The following BCAS3 variants were observed in gnomAD, a reference collection of about 807,000 sequenced individuals.
BCAS3 encodes BCAS3 microtubule associated cell migration factor, also known as BCAS4/BCAS3 fusion.
In BCAS3, 53 loss-of-function variants were observed where a neutral mutation model predicts 116.1. The observed-to-expected ratio is 0.46, with a 90% confidence interval of 0.37 to 0.57. BCAS3 has a LOEUF of 0.57. BCAS3 is among the 20% of genes least tolerant of loss of function. The probability of loss-of-function intolerance (pLI) is 0.00; values close to 1 mark genes in which losing one functional copy is unlikely to be tolerated. For missense variants in BCAS3, 917 were observed against 1,165.4 expected (o/e 0.79, Z 3.10); for synonymous variants, 391 against 408.2 (o/e 0.96, Z 0.51).
chr17:61,194,288 A>G (rs2080338720), intron 22 of BCAS3, among the ~76,000 whole-genome samples: 1 of 152,194 alleles, frequency 6.6e-6, no homozygotes. Flanking sequence ...GAAAGAAAAC[A>G]TGGCCTTGTA....
rs774082729 is a variant in BCAS3 at position 61,392,173 on chromosome 17, G to A, written c.*48G>A. Reference sequence around the variant, plus strand: ...TGGCCAGCCCCCTCCCCTGCTGGAGGAGGGGAGAAGCCCCGCTCTGGTCCT... The same window carrying A: ...TGGCCAGCCCCCTCCCCTGCTGGAGAAGGGGAGAAGCCCCGCTCTGGTCCT... On this transcript the variant is annotated 3_prime_UTR_variant, in exon 24 of 24. Transcript: ENST00000407086. The surrounding 1 kb of genome is among the most constrained non-coding windows in gnomAD (Gnocchi z 6.4). The A allele has an allele frequency of 1.9e-5, 31 of 1,591,366 alleles. No individual in the cohort carries two copies. Among genetic ancestry groups the A allele is most frequent in the East Asian group, 4.5e-5 (2 of 44,642 alleles).
chr17:60,867,509 C>A (rs1354450093), intron 7 of BCAS3, among the ~76,000 whole-genome samples: 1 of 152,050 alleles, frequency 6.6e-6, no homozygotes, highest in Non-Finnish European at 1.5e-5. Flanking sequence ...TATTTAATGT[C>A]ATTTTATATG....
At chr17:60,854,949 GTTTTTTTTT>G (rs1267985905) in intron 7 of BCAS3, among the ~76,000 whole-genome samples, 1 of 121,932 alleles carries the variant, frequency 8.2e-6, no homozygotes, top group East Asian at 2.4e-4. Flanking sequence ...TTTCAGTGAG[GTTTTTTTTT>G]TTTTTTTTTT....
At chr17:60,940,036 AG>A (rs1220592258) in intron 13 of BCAS3, among the ~76,000 whole-genome samples, 1 of 152,214 alleles carries the variant, frequency 6.6e-6, no homozygotes, top group East Asian at 1.9e-4. Context: ...CAATTCAAAG[AG>A]AAAGAAAATA....
At chr17:61,119,896 C>A (rs1045772947) in intron 22 of BCAS3, among the ~76,000 whole-genome samples, 28 of 151,710 alleles carry the variant, frequency 1.8e-4, no homozygotes, top group Non-Finnish European at 3.7e-4. Context: ...CCTGATAGTA[C>A]CAGAAAATAT....
At chr17:61,153,684 G>A (rs113135004) in intron 22 of BCAS3, among the ~76,000 whole-genome samples, 20 of 152,226 alleles carry the variant, frequency 1.3e-4, no homozygotes, top group African/African-American at 4.3e-4. Flanking sequence ...CTCTACCATT[G>A]TATGCCGTTA....
chr17:61,357,884 T>G (rs527504974), intron 22 of BCAS3, among the ~76,000 whole-genome samples: 1 of 150,878 alleles, frequency 6.6e-6, no homozygotes, highest in East Asian at 2.0e-4. Context: ...AGGTCAAGAG[T>G]TCCAGACCCG....
chr17:61,253,873 C>T (rs759859343), intron 22 of BCAS3, among the ~76,000 whole-genome samples: 24 of 152,068 alleles, frequency 1.6e-4, no homozygotes, highest in Middle Eastern at 3.4e-3. Flanking sequence ...AAAACTGAAG[C>T]GCAGAAAGAA....
At chr17:60,925,570 A>G (rs147753563) in intron 13 of BCAS3, among the ~76,000 whole-genome samples, 97 of 152,328 alleles carry the variant, frequency 6.4e-4, no homozygotes, top group African/African-American at 2.2e-3. Flanking sequence ...TGAAGGTTGT[A>G]GAATGGTGGG....
At chr17:61,206,379 A>G (rs1407656110) in intron 22 of BCAS3, among the ~76,000 whole-genome samples, 2 of 152,208 alleles carry the variant, frequency 1.3e-5, no homozygotes, top group African/African-American at 4.8e-5. Context: ...CTTTCTTTAT[A>G]TTTTAAAATC....
Position 60,889,353 on chromosome 17 carries a change from C to A in BCAS3, c.662-342C>A, listed in dbSNP as rs762278966. Among the ~76,000 whole-genome samples the A allele has an allele frequency of 6.6e-5, 10 of 152,138 alleles. 1 individual carries two copies. Among genetic ancestry groups the A allele is most frequent in the South Asian group, 2.1e-4 (1 of 4,830 alleles). On this transcript the variant is annotated intron_variant, in intron 9 of 23. Transcript: ENST00000407086. The stretch of plus-strand genomic sequence containing the variant: ...CATTTCTCTCTCCTCTCCCAAAATT[C>A]TTCCTTGATTTATGAATGTTAGACT...
intron 9 of BCAS3, among the ~76,000 whole-genome samples, chr17:60,881,309 C>T (rs1406118780): frequency 6.6e-6 from 1 of 152,128 alleles, no homozygotes. Flanking sequence ...TCTTTTAAAG[C>T]ATGTTAAATT....
At chr17:61,064,762 T>A (rs188062185) in intron 19 of BCAS3, among the ~76,000 whole-genome samples, 17 of 152,336 alleles carry the variant, frequency 1.1e-4, no homozygotes, top group Non-Finnish European at 1.5e-4. Flanking sequence ...CAATACTGAC[T>A]GTTAGAAAAC....
chr17:61,075,993 A>C lies in BCAS3; in HGVS notation c.2130+973A>C, dbSNP rs189836789. On this transcript the variant is annotated intron_variant, in intron 20 of 23. Transcript: ENST00000407086. ...AGGCTGGTCTTGAACTCCTGGGCTC[A>C]AGCAATCCTCCTGTGTTGGCCTCCC... Among the ~76,000 whole-genome samples the C allele has an allele frequency of 1.5e-3, 227 of 152,120 alleles. 5 individuals are homozygous for C. Among genetic ancestry groups the C allele is most frequent in the Admixed American group, 0.015 (227 of 15,272 alleles).
chr17:61,137,068 GTT>G (rs2076681657), intron 22 of BCAS3, among the ~76,000 whole-genome samples: 1 of 152,114 alleles, frequency 6.6e-6, no homozygotes, highest in African/African-American at 2.4e-5. Flanking sequence ...TTATGAGGTG[GTT>G]TCCATTTGTT....
rs1282278140 is a variant in BCAS3, at chr17:61,136,392, G to GT, written c.2425+51829dup. On this transcript the variant is annotated intron_variant, in intron 22 of 23. Transcript: ENST00000407086. This position sits in a 1 kb window ranked among gnomAD's most constrained non-coding sequence, Gnocchi z 4.4. ...TATCTGTAGAACAGGGTTTCTCAGC[G>GT]TAAGTACTGAAGGTATTTTGGACTG... 1.3e-5 allele frequency among the ~76,000 whole-genome samples: 2 copies of GT among 152,140 alleles called. No homozygotes were observed. Among genetic ancestry groups the GT allele is most frequent in the Admixed American group, 6.5e-5 (1 of 15,280 alleles).
intron 22 of BCAS3, among the ~76,000 whole-genome samples, chr17:61,232,166 C>G (rs1361546862): frequency 7.7e-6 from 1 of 130,316 alleles, no homozygotes; most frequent in Admixed American, 9.3e-5. Context: ...GATCACACCA[C>G]TGCACTCCAG....
chr17:60,880,447 C>T (rs1308199791), intron 9 of BCAS3, among the ~76,000 whole-genome samples: 1 of 152,106 alleles, frequency 6.6e-6, no homozygotes, highest in African/African-American at 2.4e-5. Flanking sequence ...TGCCACCACA[C>T]CCAGCTAATT....
Position 61,343,803 on chromosome 17 carries a change from G to A in BCAS3, c.2426-24524G>A, listed in dbSNP as rs2057334833. Among the ~76,000 whole-genome samples the A allele has an allele frequency of 6.6e-6, 1 of 152,226 alleles. No homozygotes were observed. Among genetic ancestry groups the A allele is most frequent in the Non-Finnish European group, 1.5e-5 (1 of 68,040 alleles). On this transcript the variant is annotated intron_variant, in intron 22 of 23. Transcript: ENST00000407086. The surrounding 1 kb of genome is among the most constrained non-coding windows in gnomAD (Gnocchi z 5.5). ...ACAGTGCCCGTTGGGCATTTTGCCT[G>A]GAGAGAGAGAAGCAAATCTGTGTCA...
Sources: gnomAD v4.1 joint callset for allele counts (sites outside exome capture counted in the v4.1 genomes callset) on GRCh38, gnomAD v4.1.1 for gene constraint, Gnocchi (gnomAD v3.1) non-coding constraint, MANE v1.5 for transcripts, NCBI Gene and HGNC (gene_info 2026-07-23, HGNC 2026-07-21) for gene names.